The following TMEM185B variants were observed in gnomAD, a reference collection of about 807,000 sequenced individuals.
TMEM185B encodes ee3_2.
In TMEM185B, 9 loss-of-function variants were observed where a neutral mutation model predicts 26.2. The observed-to-expected ratio is 0.34, with a 90% CI of 0.21 to 0.60. The LOEUF is 0.60. TMEM185B is among the 20% of genes least tolerant of loss of function. TMEM185B has a pLI of 0.80. For missense variants in TMEM185B, 392 were observed against 447.9 expected (o/e 0.88, Z 1.13); for synonymous variants, 204 against 191.8 (o/e 1.06, Z -0.52).
rs1402209359 is a variant in TMEM185B, at chr2:120,222,457, G to A, written c.520C>T (p.Pro174Ser). 6.5e-7 allele frequency: 1 copy of A among 1,536,158 alleles called. No individual in the cohort carries two copies. The highest frequency in any genetic ancestry group is 1.4e-5 in the African/African-American group (1 of 73,154). The change falls in exon 1 of 1, where the codon CCC (proline) becomes TCC (serine). Residue 174 changes from proline to serine, a missense_variant. Pro to Ser is a moderately conservative substitution (Grantham distance 74). Around this residue, in one of 3 missense-constraint regions of TMEM185B, gnomAD observed 41 missense variants for 77.3 expected, o/e 0.53. Coordinates refer to ENST00000426077, the MANE Select transcript of TMEM185B (RefSeq NM_024121.3). ...IHWPWLVVFV[P>S]LWILMSFLCL... is the part of the protein sequence containing the mutation. The stretch of plus-strand genomic sequence containing the variant: ...AGGAACGACATGAGGATCCACAGGG[G>A]CACAAACACCACCAGCCACGGCCAG...
rs758974602 is a variant in TMEM185B at position 120,220,680 on chromosome 2, G to C, written c.*1244C>G. 1.3e-5 allele frequency among the ~76,000 whole-genome samples: 2 copies of C among 152,170 alleles called. No homozygotes were observed. The highest frequency in any genetic ancestry group is 4.8e-5 in the African/African-American group (2 of 41,416). ...GGAGGCGGAGGCTGCGGCGAGCTGAGATCAAGATTGTGCCATTGCACTCCA... is the reference window on the plus strand; with the variant it reads ...GGAGGCGGAGGCTGCGGCGAGCTGACATCAAGATTGTGCCATTGCACTCCA... On this transcript the variant is annotated 3_prime_UTR_variant, in exon 1 of 1. Coordinates refer to ENST00000426077, the MANE Select transcript of TMEM185B (RefSeq NM_024121.3).
Position 120,220,734 on chromosome 2 carries a change from TCAAAA to T in TMEM185B, c.*1185_*1189del, listed in dbSNP as rs947377241. On this transcript the variant is annotated 3_prime_UTR_variant, in exon 1 of 1. Transcript: ENST00000426077. Reference sequence around the variant, plus strand: ...TGGGCAACAAGAGTGAAACTCTGTCTCAAAACAAAACAAAACAAACAAACAAAAAA... The same window carrying T: ...TGGGCAACAAGAGTGAAACTCTGTCTCAAAACAAAACAAACAAACAAAAAA... 4.6e-5 allele frequency among the ~76,000 whole-genome samples: 7 copies of T among 152,014 alleles called. No homozygotes were observed. The highest frequency in any genetic ancestry group is 1.2e-4 in the African/African-American group (5 of 41,380).
rs1688555978 is a variant in TMEM185B at position 120,219,710 on chromosome 2, C to A, written c.*2214G>T. ...AGGGGAGGCACTGGGCTCCTGAAAA[C>A]AAAGATGAGCTTAAAGTTCTAGGTC... On this transcript the variant is annotated 3_prime_UTR_variant, in exon 1 of 1. Coordinates refer to ENST00000426077, the MANE Select transcript of TMEM185B (RefSeq NM_024121.3). 6.6e-6 allele frequency among the ~76,000 whole-genome samples: 1 copy of A among 152,206 alleles called. No homozygotes were observed. The highest frequency in any genetic ancestry group is 6.5e-5 in the Admixed American group (1 of 15,274).
In TMEM185B at chr2:120,220,979, C is replaced by A. The variant is rs1688577180; in HGVS notation, c.*945G>T. Among the ~76,000 whole-genome samples, 2 of 152,164 alleles carry A rather than the reference C, an allele frequency of 1.3e-5. No homozygotes were observed. The highest frequency in any genetic ancestry group is 4.8e-5 in the African/African-American group (2 of 41,438). ...TTTAAGATTCTTAGAAATGGACAAACCACTTGTTGCTTATTTCCACACAGT... is the reference window on the plus strand; with the variant it reads ...TTTAAGATTCTTAGAAATGGACAAAACACTTGTTGCTTATTTCCACACAGT... On this transcript the variant is annotated 3_prime_UTR_variant, in exon 1 of 1. Coordinates refer to ENST00000426077, the MANE Select transcript of TMEM185B (RefSeq NM_024121.3).
Position 120,223,292 on chromosome 2 carries a change from C to T in TMEM185B, c.-316G>A, listed in dbSNP as rs1245283982. 3 of 210,600 alleles carry T rather than the reference C, an allele frequency of 1.4e-5. No individual in the cohort carries two copies. Among genetic ancestry groups the T allele is most frequent in the African/African-American group, 6.9e-5 (3 of 43,546 alleles). 13.0% of individuals were successfully genotyped at this position (210,600 alleles called of 1,614,324 possible). A position where few individuals can be genotyped will look rare whatever the true frequency, so the allele number is the denominator to read the frequency against. ...TCACTCCGTACCCATCAAGAAGGCA[C>T]CTAATGCGTGTGGGGCCCGAAGGGG... On this transcript the variant is annotated 5_prime_UTR_variant, in exon 1 of 1. In the 5' UTR this introduces an upstream ATG that the reference lacks. Transcript: ENST00000426077.
chr2:120,222,397 G>A lies in TMEM185B; in HGVS notation c.580C>T (p.Leu194Phe), dbSNP rs868151112. 7 of 1,536,104 alleles carry A rather than the reference G, an allele frequency of 4.6e-6. No homozygotes were observed. Among genetic ancestry groups the A allele is most frequent in the East Asian group, 2.4e-5 (1 of 40,918 alleles). ...ACATCCAGGGACCGCAGGAACAGGA[G>A]GGACCAGACGATGTAATAGAGGACG... ...LVVLYYIVWS[L>F]LFLRSLDVVA... The change falls in exon 1 of 1, where the codon CTC (leucine) becomes TTC (phenylalanine). Residue 194 changes from leucine to phenylalanine, a missense_variant. Leu to Phe is a conservative substitution (Grantham distance 22). Around this residue, in one of 3 missense-constraint regions of TMEM185B, gnomAD observed 176 missense variants for 201.6 expected, o/e 0.87. Transcript: ENST00000426077.
chr2:120,217,631 C>T lies in TMEM185B; in HGVS notation c.*4293G>A, dbSNP rs180802831. On this transcript the variant is annotated 3_prime_UTR_variant, in exon 1 of 1. Transcript: ENST00000426077. ...ATTTTTGCAGATCCTTAAAGCCTGG[C>T]TTAACAGAAGGCTGCTGCATCCTCA... 1.1e-3 allele frequency among the ~76,000 whole-genome samples: 173 copies of T among 152,324 alleles called. 1 individual carries two copies. Among genetic ancestry groups the T allele is most frequent in the Non-Finnish European group, 1.1e-3 (74 of 68,024 alleles).
At position 120,222,218 on chromosome 2, in the gene TMEM185B, G is replaced by A; in HGVS notation, c.759C>T (p.Ser253=). ...YVSIFVPLWL[S]LLTLMATTFR... The stretch of plus-strand genomic sequence containing the variant: ...ATGTTGTGGCCATTAAAGTTAGTAA[G>A]GAAAGCCAAAGGGGGACAAATATGG... Residue 253 remains serine (S), a synonymous_variant, in exon 1 of 1, where the codon TCC becomes TCT. Transcript: ENST00000426077. 1 of 1,538,692 alleles carries A rather than the reference G, an allele frequency of 6.5e-7. No homozygotes were observed. Among genetic ancestry groups the A allele is most frequent in the Non-Finnish European group, 8.7e-7 (1 of 1,147,432 alleles).
At position 120,223,051 on chromosome 2, in the gene TMEM185B, G is replaced by GGCC; in HGVS notation, c.-78_-76dup. The GGCC allele has an allele frequency of 8.6e-7, 1 of 1,162,652 alleles. No individual in the cohort carries two copies. The allele number at this position is 1,162,652 out of a possible 1,614,324, so 72.0% of individuals were successfully genotyped here. A position where few individuals can be genotyped will look rare whatever the true frequency, so the allele number is the denominator to read the frequency against. On this transcript the variant is annotated 5_prime_UTR_variant, in exon 1 of 1. Transcript: ENST00000426077. ...GCGCTCGCGTCTCCGCGGCTTCTCC[G>GGCC]GCCGCCGCCTCCCGGGCCCCGCCCA...
rs1688594218 is a variant in TMEM185B, at chr2:120,221,950, T to C, written c.1027A>G (p.Lys343Glu). The change falls in exon 1 of 1, where the codon AAG becomes GAG. Residue 343 changes from lysine to glutamate, a missense_variant. Physicochemically the swap from Lys to Glu is moderately conservative, Grantham distance 56. Transcript: ENST00000426077. ...SPGKYVPPPP[K>E]LNIDMPD ...TAATCTGGCATATCAATATTTAACT[T>C]GGGAGGGGGGGGAACGTATTTCCCA... 7 of 1,533,032 alleles carry C rather than the reference T, an allele frequency of 4.6e-6. No homozygotes were observed. Among genetic ancestry groups the C allele is most frequent in the Non-Finnish European group, 8.7e-7 (1 of 1,145,846 alleles). The allele number at this position is 1,533,032 out of a possible 1,614,324, so 95.0% of individuals were successfully genotyped here. A position where few individuals can be genotyped will look rare whatever the true frequency, so the allele number is the denominator to read the frequency against.
rs1688591877 is a variant in TMEM185B at position 120,221,838 on chromosome 2, CCT to C, written c.*84_*85del. ...CACGGCGTGAGACGAGTGTTTGAAGCCTGTTTCCATTTCCAGGTTTGGGATGA... is the reference window on the plus strand; with the variant it reads ...CACGGCGTGAGACGAGTGTTTGAAGCGTTTCCATTTCCAGGTTTGGGATGA... On this transcript the variant is annotated 3_prime_UTR_variant, in exon 1 of 1. Coordinates refer to ENST00000426077, the MANE Select transcript of TMEM185B (RefSeq NM_024121.3). 3 of 1,113,554 alleles carry C rather than the reference CCT, an allele frequency of 2.7e-6. No homozygotes were observed. Among genetic ancestry groups the C allele is most frequent in the African/African-American group, 3.2e-5 (2 of 63,358 alleles). 69.0% of individuals were successfully genotyped at this position (1,113,554 alleles called of 1,614,324 possible).
At position 120,222,280 on chromosome 2, in the gene TMEM185B, GA is replaced by G; in HGVS notation, c.696del (p.His233ThrfsTer23). The G allele has an allele frequency of 6.5e-7, 1 of 1,536,292 alleles. No homozygotes were observed. Among genetic ancestry groups the G allele is most frequent in the Non-Finnish European group, 8.7e-7 (1 of 1,146,938 alleles). On this transcript the variant is annotated frameshift_variant, in exon 1 of 1. Transcript: ENST00000426077. LOFTEE classifies it high-confidence loss of function. ...VPLLTFEVLL[V>X]HRLDGHNTFS... ...AATGTATTGTGGCCATCCAATCTGT[GA>G]ACCAGCAGGACCTCAAAAGTGAGCA... is the stretch of plus-strand genomic sequence containing the variant.
Position 120,222,047 on chromosome 2 carries a change from T to A in TMEM185B, c.930A>T (p.Thr310=). The A allele has an allele frequency of 6.5e-7, 1 of 1,546,394 alleles. No homozygotes were observed. Among genetic ancestry groups the A allele is most frequent in the Non-Finnish European group, 8.7e-7 (1 of 1,147,006 alleles). ...CAATTTTCGGAGCTTCTGGAACTGA[T>A]GTTTCTTCAGCATCTTCACTATCTT... ...HHEDSEDAEE[T]SVPEAPKIAP... Residue 310 remains threonine (T), a synonymous_variant, in exon 1 of 1, where the codon ACA becomes ACT. Coordinates refer to ENST00000426077, the MANE Select transcript of TMEM185B (RefSeq NM_024121.3).
At position 120,222,893 on chromosome 2, in the gene TMEM185B, C is replaced by T; in HGVS notation, c.84G>A (p.Leu28=). 1.4e-6 allele frequency: 2 copies of T among 1,458,462 alleles called. No homozygotes were observed. The highest frequency in any genetic ancestry group is 1.8e-6 in the Non-Finnish European group (2 of 1,113,122). The allele number at this position is 1,458,462 out of a possible 1,614,324, so 90.3% of individuals were successfully genotyped here. A position where few individuals can be genotyped will look rare whatever the true frequency, so the allele number is the denominator to read the frequency against. Residue 28 remains leucine (L), a synonymous_variant, in exon 1 of 1, where the codon CTG becomes CTA. Transcript: ENST00000426077. ...YTCLLLFSVL[L]PLRLDGIIQW... Reference sequence around the variant, plus strand: ...GGATGATGCCGTCCAGGCGGAGGGGCAGCAGCACCGAGAAGAGCAGCAGGC... The same window carrying T: ...GGATGATGCCGTCCAGGCGGAGGGGTAGCAGCACCGAGAAGAGCAGCAGGC...
rs1461415658 is a variant in TMEM185B at position 120,221,058 on chromosome 2, C to G, written c.*866G>C. On this transcript the variant is annotated 3_prime_UTR_variant, in exon 1 of 1. Coordinates refer to ENST00000426077, the MANE Select transcript of TMEM185B (RefSeq NM_024121.3). Reference sequence around the variant, plus strand: ...CTAAATAACAGTGTCACTTTATGGCCTGGTACCACACTAGAGCCTGTCACA... The same window carrying G: ...CTAAATAACAGTGTCACTTTATGGCGTGGTACCACACTAGAGCCTGTCACA... 6.6e-6 allele frequency among the ~76,000 whole-genome samples: 1 copy of G among 152,178 alleles called. No individual in the cohort carries two copies. The highest frequency in any genetic ancestry group is 1.5e-5 in the Non-Finnish European group (1 of 68,030).
Position 120,221,512 on chromosome 2 carries a change from AAG to A in TMEM185B, c.*410_*411del, listed in dbSNP as rs1380910597. Reference sequence around the variant, plus strand: ...TGAGGTTTATAAACAAGTGGTGGGAAAGAGAACTTTTTACATTTGCTATTGTT... The same window carrying A: ...TGAGGTTTATAAACAAGTGGTGGGAAAGAACTTTTTACATTTGCTATTGTT... On this transcript the variant is annotated 3_prime_UTR_variant, in exon 1 of 1. Coordinates refer to ENST00000426077, the MANE Select transcript of TMEM185B (RefSeq NM_024121.3). 5 of 162,338 alleles carry A rather than the reference AAG, an allele frequency of 3.1e-5. No individual in the cohort carries two copies. The highest frequency in any genetic ancestry group is 6.7e-5 in the Non-Finnish European group (5 of 74,780). 10.1% of individuals were successfully genotyped at this position (162,338 alleles called of 1,614,324 possible).
At position 120,223,042 on chromosome 2, in the gene TMEM185B, G is replaced by C. The variant is rs1688619558; in HGVS notation, c.-66C>G. 3 of 1,220,012 alleles carry C rather than the reference G, an allele frequency of 2.5e-6. No individual in the cohort carries two copies. The highest frequency in any genetic ancestry group is 3.1e-6 in the Non-Finnish European group (3 of 959,416). 75.6% of individuals were successfully genotyped at this position (1,220,012 alleles called of 1,614,324 possible). A position where few individuals can be genotyped will look rare whatever the true frequency, so the allele number is the denominator to read the frequency against. ...CGACGCTCGGCGCTCGCGTCTCCGCGGCTTCTCCGGCCGCCGCCTCCCGGG... is the reference window on the plus strand; with the variant it reads ...CGACGCTCGGCGCTCGCGTCTCCGCCGCTTCTCCGGCCGCCGCCTCCCGGG... On this transcript the variant is annotated 5_prime_UTR_variant, in exon 1 of 1. Transcript: ENST00000426077.
Position 120,222,716 on chromosome 2 carries a change from A to G in TMEM185B, c.261T>C (p.Ala87=). The change falls in exon 1 of 1, where the codon GCT becomes GCC. Residue 87 remains alanine (A), a synonymous_variant. Coordinates refer to ENST00000426077, the MANE Select transcript of TMEM185B (RefSeq NM_024121.3). ...ACVEFKAMLI[A]VGIHLLLLMF... Reference sequence around the variant, plus strand: ...TGAGCAGCAGCAGGTGGATGCCCACAGCGATCAGCATGGCTTTGAACTCCA... The same window carrying G: ...TGAGCAGCAGCAGGTGGATGCCCACGGCGATCAGCATGGCTTTGAACTCCA... 1 of 1,536,474 alleles carries G rather than the reference A, an allele frequency of 6.5e-7. No individual in the cohort carries two copies. The highest frequency in any genetic ancestry group is 1.4e-5 in the African/African-American group (1 of 73,180).
At position 120,222,860 on chromosome 2, in the gene TMEM185B, G is replaced by T. The variant is rs1219107680; in HGVS notation, c.117C>A (p.Ser39Arg). 2 of 1,485,932 alleles carry T rather than the reference G, an allele frequency of 1.3e-6. No individual in the cohort carries two copies. Among genetic ancestry groups the T allele is most frequent in the African/African-American group, 2.8e-5 (2 of 71,244 alleles). The allele number at this position is 1,485,932 out of a possible 1,614,324, so 92.0% of individuals were successfully genotyped here. A position where few individuals can be genotyped will look rare whatever the true frequency, so the allele number is the denominator to read the frequency against. ...PLRLDGIIQW[S>R]YWAVFAPIWL... Reference sequence around the variant, plus strand: ...ATATGGGGGCAAAGACGGCCCAGTAGCTCCATTGGATGATGCCGTCCAGGC... The same window carrying T: ...ATATGGGGGCAAAGACGGCCCAGTATCTCCATTGGATGATGCCGTCCAGGC... The change falls in exon 1 of 1, where the codon AGC (serine) becomes AGA (arginine). Residue 39 changes from serine (S) to arginine (R), a missense_variant. Transcript: ENST00000426077.
Sources: gnomAD v4.1 joint callset for allele counts (sites outside exome capture counted in the v4.1 genomes callset) on GRCh38, gnomAD v4.1.1 for gene constraint, gnomAD v4.1.1 regional missense constraint, MANE v1.5 for transcripts, NCBI Gene and HGNC (gene_info 2026-07-23, HGNC 2026-07-21) for gene names.